Variants in PAPPA observed in about 807,000 individuals in gnomAD.
The protein encoded by PAPPA is pappalysin-1.
In PAPPA, 60 loss-of-function variants were observed where a neutral mutation model predicts 164.0. That is an observed-to-expected ratio of 0.37 (90% CI 0.30 to 0.45). The LOEUF (loss-of-function observed/expected upper bound fraction) is 0.45. PAPPA is among the 20% of genes least tolerant of loss of function. PAPPA has a pLI of 1.00. For synonymous variants in PAPPA, 875 were observed against 814.1 expected, an observed-to-expected ratio of 1.07 and a Z score of -1.27; for missense variants, 1,782 against 2,087.3, an observed-to-expected ratio of 0.85 and a Z score of 2.85.
chr9:116,307,112 C>T (rs1845656468), intron 10 of PAPPA, among the ~76,000 whole-genome samples: 1 of 152,184 alleles, frequency 6.6e-6, no homozygotes, highest in South Asian at 2.1e-4. Context: ...GGCATTCAGG[C>T]TGGACAGCTG....
rs531440446 is a variant in PAPPA, at chr9:116,267,736, G to A, written c.2861+1751G>A. Among the ~76,000 whole-genome samples the A allele has an allele frequency of 7.9e-5, 12 of 151,866 alleles. No homozygotes were observed. The South Asian group carries it at 1.0e-3, about 13-fold the overall frequency. ...AAAAAATACAAAAAATTAGCCGGGC[G>A]CGGTGGCGGGCGCCTGTAGTCCCAG... On this transcript the variant is annotated intron_variant, in intron 8 of 21. Transcript: ENST00000328252.
At chr9:116,198,301 T>A (rs921584115) in intron 2 of PAPPA, among the ~76,000 whole-genome samples, 10 of 152,192 alleles carry the variant, frequency 6.6e-5, no homozygotes, top group African/African-American at 2.4e-4. Context: ...TAGCAAGAGA[T>A]TCCTCAAGCC....
intron 19 of PAPPA, among the ~76,000 whole-genome samples, chr9:116,371,623 A>C (rs1242532166): frequency 6.6e-6 from 1 of 151,116 alleles, no homozygotes; most frequent in African/African-American, 2.4e-5. Context: ...ATTTTTTTTT[A>C]GTGGAGATGA....
intron 13 of PAPPA, among the ~76,000 whole-genome samples, chr9:116,340,269 G>A (rs1846119045): frequency 6.6e-6 from 1 of 152,106 alleles, no homozygotes; most frequent in Non-Finnish European, 1.5e-5. Flanking sequence ...GAAATGACAG[G>A]GCTGTATCAC....
chr9:116,336,405 AT>A (rs1846062797), intron 13 of PAPPA, among the ~76,000 whole-genome samples: 1 of 152,172 alleles, frequency 6.6e-6, no homozygotes, highest in South Asian at 2.1e-4. Flanking sequence ...CTTAAATATA[AT>A]TCATTGTCTT....
intron 7 of PAPPA, among the ~76,000 whole-genome samples, chr9:116,257,016 A>G (rs1844936063): frequency 6.6e-6 from 1 of 152,016 alleles, no homozygotes; most frequent in African/African-American, 2.4e-5. Flanking sequence ...AGCTCTGTCC[A>G]CAATGCAGCA....
At chr9:116,370,322 C>T (rs1483450328) in intron 19 of PAPPA, among the ~76,000 whole-genome samples, 1 of 152,160 alleles carries the variant, frequency 6.6e-6, no homozygotes, top group African/African-American at 2.4e-5. Flanking sequence ...TTAGTCTCTT[C>T]CTGCTTCCAG....
At chr9:116,211,550 G>A in intron 3 of PAPPA, 89 bp from the exon 4 acceptor site, 1 of 1,145,398 alleles carries the variant, frequency 8.7e-7, no homozygotes, top group Non-Finnish European at 1.3e-6. Context: ...ATTTTGGGCA[G>A]CATCTCTTTA....
intron 9 of PAPPA, among the ~76,000 whole-genome samples, chr9:116,300,232 T>C (rs902333210): frequency 6.6e-6 from 1 of 151,572 alleles, no homozygotes; most frequent in Non-Finnish European, 1.5e-5. Context: ...TTTTGCTCAT[T>C]CTTTCTTTCT....
intron 9 of PAPPA, among the ~76,000 whole-genome samples, chr9:116,285,102 T>A (rs559848207): frequency 1.3e-5 from 2 of 152,120 alleles, no homozygotes; most frequent in Admixed American, 1.3e-4. Flanking sequence ...CCTTGCGTGA[T>A]CTGAGCCCAG....
intron 2 of PAPPA, among the ~76,000 whole-genome samples, chr9:116,193,084 G>T (rs1288228015): frequency 1.3e-5 from 2 of 152,018 alleles, no homozygotes; most frequent in East Asian, 1.9e-4. Context: ...CATTTCCTTT[G>T]TCTTCTCTTT....
chr9:116,342,968 T>C (rs1477574400), intron 13 of PAPPA, among the ~76,000 whole-genome samples: 1 of 152,214 alleles, frequency 6.6e-6, no homozygotes, highest in Admixed American at 6.5e-5. Flanking sequence ...GGAATTTTTA[T>C]TGGCACTGCA....
chr9:116,288,427 C>T (rs974054901), intron 9 of PAPPA, among the ~76,000 whole-genome samples: 2 of 129,964 alleles, frequency 1.5e-5, no homozygotes, highest in African/African-American at 5.6e-5. Context: ...GTCTCCCTCC[C>T]TCCCTCCCTC....
rs74771298 is a variant in PAPPA at position 116,242,942 on chromosome 9, A to G, written c.2732+7305A>G. Among the ~76,000 whole-genome samples, 704 of 152,326 alleles carry G rather than the reference A, an allele frequency of 4.6e-3. 3 individuals carry two copies. Among genetic ancestry groups the G allele is most frequent in the Non-Finnish European group, 6.2e-3 (420 of 68,016 alleles). On this transcript the variant is annotated intron_variant, in intron 7 of 21. Transcript: ENST00000328252. ...TGCTCTTAAGTAAGCATCTACTCAA[A>G]TACATTTACTGGATAATTGCATTTC...
Position 116,324,540 on chromosome 9 carries a change from T to C in PAPPA, c.3148-6704T>C, listed in dbSNP as rs530541623. Among the ~76,000 whole-genome samples the C allele has an allele frequency of 5.3e-4, 80 of 152,180 alleles. 1 individual carries two copies. The Middle Eastern group carries it at 0.017, about 32-fold the overall frequency. On this transcript the variant is annotated intron_variant, in intron 10 of 21. Coordinates refer to ENST00000328252, the MANE Select transcript of PAPPA (RefSeq NM_002581.5). ...TTCTCACCTTGGAAATCTTCAGAGT[T>C]TAAAGAGATGAGGCTGGACTCTATA...
intron 1 of PAPPA, among the ~76,000 whole-genome samples, chr9:116,164,687 G>A (rs1843701739): frequency 6.6e-6 from 1 of 152,152 alleles, no homozygotes; most frequent in African/African-American, 2.4e-5. Flanking sequence ...GTTGCTCTAT[G>A]AATCTGAAAG....
chr9:116,201,155 G>T (rs952579487), intron 2 of PAPPA, among the ~76,000 whole-genome samples: 8 of 152,136 alleles, frequency 5.3e-5, no homozygotes, highest in Admixed American at 2.0e-4. Context: ...TTGGGATAAA[G>T]AACAAAATTC....
intron 10 of PAPPA, among the ~76,000 whole-genome samples, chr9:116,317,706 C>T (rs187551555): frequency 6.6e-5 from 10 of 152,250 alleles, no homozygotes; most frequent in South Asian, 2.1e-4. Context: ...GACAATGCCT[C>T]GGGCCCTGAA....
Position 116,334,862 on chromosome 9 carries a change from C to A in PAPPA, c.3399C>A (p.Gly1133=), listed in dbSNP as rs1190838057. 4.3e-6 allele frequency: 7 copies of A among 1,612,842 alleles called. No homozygotes were observed. Among genetic ancestry groups the A allele is most frequent in the Non-Finnish European group, 5.1e-6 (6 of 1,178,926 alleles). ...CGGCCCCTCTGTCTCCCCTGACAGG[C>A]CTCCATGTCCTGAGCTGCAGGAACA... ...LDTKDQSHDL[G]LHVLSCRNNP... Residue 1133 remains glycine (G), a splice_region_variant and synonymous_variant, in exon 13 of 22, where the codon GGC becomes GGA. Coordinates refer to ENST00000328252, the MANE Select transcript of PAPPA (RefSeq NM_002581.5).
Sources: gnomAD v4.1 joint callset for allele counts (sites outside exome capture counted in the v4.1 genomes callset) on GRCh38, gnomAD v4.1.1 for gene constraint, MANE v1.5 for transcripts, NCBI Gene and HGNC (gene_info 2026-07-23, HGNC 2026-07-21) for gene names.